Variants in ZAP70 observed in about 807,000 individuals in gnomAD.
The protein encoded by ZAP70 is zeta chain of T cell receptor associated protein kinase 70.
In ZAP70, 27 loss-of-function variants were observed where a neutral mutation model predicts 65.8. That is an observed-to-expected ratio of 0.41 (90% confidence interval 0.30 to 0.57). ZAP70 has a LOEUF of 0.57. Ranked by LOEUF, ZAP70 falls within the 20% of genes least tolerant of loss-of-function variation. The pLI is 0.28. For missense variants in ZAP70, 696 were observed against 870.5 expected (o/e 0.80, Z 2.52); for synonymous variants, 363 against 360.8 (o/e 1.01, Z -0.07).
intron 8 of ZAP70, chr2:97,734,275 G>A: frequency 2.6e-6 from 3 of 1,135,896 alleles, no homozygotes; most frequent in Non-Finnish European, 3.6e-6. Context: ...GGTGCCACGT[G>A]GATACCAATG....
At chr2:97,742,381 C>A (rs1003912590), downstream of ZAP70, among the ~76,000 whole-genome samples, 4 of 152,250 alleles carry the variant, frequency 2.6e-5, no homozygotes, top group Non-Finnish European at 5.9e-5. Context: ...AGATGTGCGC[C>A]AGCTTGACAG....
At chr2:97,755,192 C>A in the ZAP70 span, among the ~76,000 whole-genome samples, 1 of 152,262 alleles carries the variant, frequency 6.6e-6, no homozygotes, top group Non-Finnish European at 1.5e-5. Context: ...TGCGTTGTGG[C>A]GTACCGAGAC....
At chr2:97,742,572 G>A (rs1055765816), downstream of ZAP70, among the ~76,000 whole-genome samples, 18 of 152,224 alleles carry the variant, frequency 1.2e-4, no homozygotes, top group Non-Finnish European at 2.9e-5. Flanking sequence ...TGTCCCTTCA[G>A]GGTTTCAAAT....
At position 97,737,433 on chromosome 2, in the gene ZAP70, A is replaced by T; in HGVS notation, c.1290-40A>T. The T allele has an allele frequency of 6.2e-7, 1 of 1,608,570 alleles. No individual in the cohort carries two copies. The highest frequency in any genetic ancestry group is 1.1e-5 in the South Asian group (1 of 90,934). ...ATGCTTTGCCCCTGGGAACTTGGCT[A>T]GTCTTCTCCCAGCTGACCCCGCCTT... On this transcript the variant is annotated intron_variant, in intron 10 of 13. Transcript: ENST00000264972. This position sits in a 1 kb window ranked among gnomAD's most constrained non-coding sequence, Gnocchi z 5.0.
intron 3 of ZAP70, 70 bp from the exon 4 acceptor site, chr2:97,725,022 C>T: frequency 1.9e-6 from 3 of 1,599,892 alleles, no homozygotes; most frequent in East Asian, 2.2e-5. Context: ...TGGGACAGGG[C>T]TCCCGGAAGG....
intron 2 of ZAP70, among the ~76,000 whole-genome samples, chr2:97,720,593 C>G (rs540322164): frequency 3.3e-5 from 5 of 152,198 alleles, no homozygotes; most frequent in African/African-American, 4.8e-5. Context: ...CCCATGTGAT[C>G]CACCCGCCTT....
rs749373144 is a variant in ZAP70, at chr2:97,737,718, T to A, written c.1483-39T>A. ...CTGGATGGGCTGGGTGGGTAGAGGG[T>A]CCCTGACCCCTGATCCAGCAGCATC... On this transcript the variant is annotated intron_variant, in intron 11 of 13. Transcript: ENST00000264972. The surrounding 1 kb of genome is among the most constrained non-coding windows in gnomAD (Gnocchi z 5.0). The A allele has an allele frequency of 6.2e-7, 1 of 1,613,792 alleles. No individual in the cohort carries two copies.
intron 13 of ZAP70, 85 bp downstream of exon 13, chr2:97,738,192 C>G: frequency 7.6e-7 from 1 of 1,323,880 alleles, no homozygotes; most frequent in African/African-American, 1.4e-5. Context: ...TATAACTCTA[C>G]CCAATGTCAT....
chr2:97,741,674 C>T (rs1678133715), downstream of ZAP70, among the ~76,000 whole-genome samples: 1 of 152,272 alleles, frequency 6.6e-6, no homozygotes, highest in Non-Finnish European at 1.5e-5. Context: ...CATTACCTCT[C>T]AACGCAGCCT....
chr2:97,745,061 C>T, the ZAP70 span, among the ~76,000 whole-genome samples: 17 of 152,222 alleles, frequency 1.1e-4, no homozygotes, highest in East Asian at 3.9e-4. Context: ...TTTTTTGAGA[C>T]GGAGTCTCGC....
At chr2:97,733,414 G>T in intron 7 of ZAP70, 71 bp downstream of exon 7, 1 of 1,591,720 alleles carries the variant, frequency 6.3e-7, no homozygotes, top group Non-Finnish European at 8.6e-7. Context: ...AGGCTGGGAT[G>T]GAGGCTGGGG....
chr2:97,716,215 TCC>T (rs1676907672), intron 2 of ZAP70, among the ~76,000 whole-genome samples: 1 of 152,124 alleles, frequency 6.6e-6, no homozygotes, highest in Non-Finnish European at 1.5e-5. Flanking sequence ...CCCGCCATCC[TCC>T]ACCCAAGGAA....
rs1288986936 is a variant in ZAP70 at position 97,737,696 on chromosome 2, G to T, written c.1482+31G>T. ...CCTCTGCCCCTGTGATGCCCGACTGGATGGGCTGGGTGGGTAGAGGGTCCC... is the reference window on the plus strand; with the variant it reads ...CCTCTGCCCCTGTGATGCCCGACTGTATGGGCTGGGTGGGTAGAGGGTCCC... On this transcript the variant is annotated intron_variant, in intron 11 of 13. Coordinates refer to ENST00000264972, the MANE Select transcript of ZAP70 (RefSeq NM_001079.4). This position sits in a 1 kb window ranked among gnomAD's most constrained non-coding sequence, Gnocchi z 5.0. 1 of 1,613,942 alleles carries T rather than the reference G, an allele frequency of 6.2e-7. No individual in the cohort carries two copies. Among genetic ancestry groups the T allele is most frequent in the African/African-American group, 1.3e-5 (1 of 74,924 alleles).
the ZAP70 span, among the ~76,000 whole-genome samples, chr2:97,745,664 G>A: frequency 6.6e-6 from 1 of 152,154 alleles, no homozygotes; most frequent in Non-Finnish European, 1.5e-5. Flanking sequence ...CCGTAACTAC[G>A]GCTGCTGAGG....
At chr2:97,741,088 G>C (rs190564624), downstream of ZAP70, among the ~76,000 whole-genome samples, 1 of 152,122 alleles carries the variant, frequency 6.6e-6, no homozygotes, top group Non-Finnish European at 1.5e-5. Context: ...GCTTTTCTAC[G>C]GAACATGTTC....
Position 97,724,308 on chromosome 2 carries a change from C to G in ZAP70, c.272C>G (p.Pro91Arg). 6.3e-7 allele frequency: 1 copy of G among 1,589,106 alleles called. No homozygotes were observed. Among genetic ancestry groups the G allele is most frequent in the African/African-American group, 1.3e-5 (1 of 74,730 alleles). ...CTCTGCGAGTTCTACTCGCGCGACC[C>G]CGACGGGCTGCCCTGCAACCTGCGC... ...AELCEFYSRD[P>R]DGLPCNLRKP... The change falls in exon 3 of 14, where the codon CCC (proline) becomes CGC (arginine). Residue 91 changes from proline (P) to arginine (R), a missense_variant. By Grantham distance (103) the Pro-to-Arg change is moderately radical (BLOSUM62 -2). This residue lies in a region of ZAP70 where 551 missense variants were observed against 630.0 expected (regional missense o/e 0.87). Transcript: ENST00000264972.
In ZAP70 at chr2:97,734,774, C is replaced by T. The variant is rs780358888; in HGVS notation, c.1082+62C>T. 712 of 1,595,390 alleles carry T rather than the reference C, an allele frequency of 4.5e-4. 2 individuals are homozygous for T. The highest frequency in any genetic ancestry group is 5.7e-4 in the Non-Finnish European group (669 of 1,169,408). On this transcript the variant is annotated intron_variant, in intron 9 of 13. Coordinates refer to ENST00000264972, the MANE Select transcript of ZAP70 (RefSeq NM_001079.4). The stretch of plus-strand genomic sequence containing the variant: ...CTGGGGCAGAGGGGAGTGGCTTCAC[C>T]GGGCTGTGGGACGGGAGCCGGGATG...
chr2:97,755,670 C>T, the ZAP70 span, among the ~76,000 whole-genome samples: 1 of 152,214 alleles, frequency 6.6e-6, no homozygotes, highest in Non-Finnish European at 1.5e-5. Context: ...TAAGCTCCCA[C>T]AGGTGGCCCC....
chr2:97,739,554 C>A lies in ZAP70; in HGVS notation c.*56C>A. On this transcript the variant is annotated 3_prime_UTR_variant, in exon 14 of 14. Coordinates refer to ENST00000264972, the MANE Select transcript of ZAP70 (RefSeq NM_001079.4). The stretch of plus-strand genomic sequence containing the variant: ...CGGCTCTTCCCCACCCTCAGCCCCA[C>A]CCCAGGTCCTGCAGTCTGGCTGAGC... The A allele has an allele frequency of 6.3e-7, 1 of 1,585,770 alleles. No homozygotes were observed. Among genetic ancestry groups the A allele is most frequent in the Non-Finnish European group, 8.6e-7 (1 of 1,166,606 alleles).
Sources: gnomAD v4.1 joint callset for allele counts (sites outside exome capture counted in the v4.1 genomes callset) on GRCh38, gnomAD v4.1.1 for gene constraint, gnomAD v4.1.1 regional missense constraint, Gnocchi (gnomAD v3.1) non-coding constraint, MANE v1.5 for transcripts, NCBI Gene and HGNC (gene_info 2026-07-23, HGNC 2026-07-21) for gene names.